Variants in MAN1A1 observed in about 807,000 individuals in gnomAD.
MAN1A1 encodes the protein mannosidase alpha class 1A member 1, also known as mannosyl-oligosaccharide 1,2-alpha-mannosidase IA.
MAN1A1 carries 29 observed loss-of-function variants against 70.8 expected under a neutral mutation model. The observed-to-expected ratio is 0.41, with a 90% CI of 0.31 to 0.56. The LOEUF (loss-of-function observed/expected upper bound fraction) is 0.56, where lower values mean the gene tolerates loss of function less well. Among genes scored for constraint, MAN1A1 ranks in the 20% least tolerant of loss-of-function variants. The probability of loss-of-function intolerance (pLI) is 0.29; values close to 1 mark genes in which losing one functional copy is unlikely to be tolerated. For missense variants in MAN1A1, 747 were observed against 841.3 expected, an observed-to-expected ratio of 0.89 and a Z score of 1.39; for synonymous variants, 349 against 330.1, an observed-to-expected ratio of 1.06 and a Z score of -0.62.
chr6:119,247,556 G>A (rs541718792), intron 6 of MAN1A1, among the ~76,000 whole-genome samples: 17 of 152,280 alleles, frequency 1.1e-4, no homozygotes, highest in East Asian at 9.6e-4. Flanking sequence ...AGACAAAATC[G>A]TTTATTAATG....
intron 6 of MAN1A1, among the ~76,000 whole-genome samples, chr6:119,212,080 T>G (rs1468358027): frequency 6.6e-6 from 1 of 151,910 alleles, no homozygotes; most frequent in Non-Finnish European, 1.5e-5. Flanking sequence ...AACCTCATGA[T>G]CTGCTCGCCT....
intron 4 of MAN1A1, among the ~76,000 whole-genome samples, chr6:119,297,762 T>C (rs9489676): frequency 0.36 from 45,310 of 124,194 alleles, 8,854 homozygotes; most frequent in Non-Finnish European, 0.41. Context: ...TTTTTTGAGA[T>C]GGAGTCTCGC....
At chr6:119,315,931 T>C (rs1772839281) in intron 2 of MAN1A1, among the ~76,000 whole-genome samples, 1 of 152,114 alleles carries the variant, frequency 6.6e-6, no homozygotes, top group Non-Finnish European at 1.5e-5. Flanking sequence ...AACCTCAGGG[T>C]TTTTGGTCTG....
At chr6:119,210,884 C>T (rs773198371) in intron 6 of MAN1A1, 1 of 455,862 alleles carries the variant, frequency 2.2e-6, no homozygotes, top group South Asian at 1.6e-5. Context: ...AATGATATCC[C>T]ACCTCATATG....
At chr6:119,250,570 T>C (rs1237618642) in intron 5 of MAN1A1, among the ~76,000 whole-genome samples, 1 of 152,180 alleles carries the variant, frequency 6.6e-6, no homozygotes, top group Non-Finnish European at 1.5e-5. Flanking sequence ...TAATGGTATT[T>C]CCTCAAGAAG....
intron 5 of MAN1A1, among the ~76,000 whole-genome samples, 188 bp downstream of exon 5, chr6:119,290,495 G>C (rs11153805): frequency 0.33 from 50,410 of 151,760 alleles, 8,854 homozygotes; most frequent in Non-Finnish European, 0.36. Flanking sequence ...AATATGTTCT[G>C]CCAAACTTTC....
intron 2 of MAN1A1, among the ~76,000 whole-genome samples, chr6:119,311,171 C>T (rs565756411): frequency 1.3e-4 from 20 of 152,056 alleles, no homozygotes; most frequent in Non-Finnish European, 2.8e-4. Flanking sequence ...ACATGTTGCC[C>T]GACACACATT....
intron 2 of MAN1A1, among the ~76,000 whole-genome samples, chr6:119,309,948 T>C (rs1772654498): frequency 6.6e-6 from 1 of 152,188 alleles, no homozygotes; most frequent in African/African-American, 2.4e-5. Flanking sequence ...TCTGCTACAC[T>C]ATGAAAAGAT....
At chr6:119,292,319 A>C (rs1189397007) in intron 4 of MAN1A1, among the ~76,000 whole-genome samples, 2 of 152,026 alleles carry the variant, frequency 1.3e-5, no homozygotes, top group African/African-American at 4.8e-5. Context: ...ACCATTCACT[A>C]ATAATCATGG....
At chr6:119,339,768 A>C (rs547674432) in intron 2 of MAN1A1, among the ~76,000 whole-genome samples, 64 of 152,364 alleles carry the variant, frequency 4.2e-4, no homozygotes, top group African/African-American at 1.5e-3. Context: ...GAGCAACTTT[A>C]TCCATCTATT....
intron 5 of MAN1A1, among the ~76,000 whole-genome samples, chr6:119,288,759 A>G (rs1776450330): frequency 6.6e-6 from 1 of 151,712 alleles, no homozygotes; most frequent in South Asian, 2.1e-4. Context: ...TCTGGAAACT[A>G]TAAGAAAAAA....
chr6:119,185,309 C>T (rs1773256738), intron 11 of MAN1A1, among the ~76,000 whole-genome samples: 1 of 152,172 alleles, frequency 6.6e-6, no homozygotes, highest in Non-Finnish European at 1.5e-5. Flanking sequence ...CAAAAGAACT[C>T]TCTAGTGTTG....
chr6:119,236,069 G>T (rs1265793352), intron 6 of MAN1A1, among the ~76,000 whole-genome samples: 1 of 150,856 alleles, frequency 6.6e-6, no homozygotes, highest in Non-Finnish European at 1.5e-5. Context: ...AACCAGGGAG[G>T]TGGAGCAGTA....
At chr6:119,309,009 T>TGAA (rs1562236296) in intron 2 of MAN1A1, among the ~76,000 whole-genome samples, 2 of 152,358 alleles carry the variant, frequency 1.3e-5, no homozygotes, top group East Asian at 3.9e-4. Flanking sequence ...ACTAATTGGT[T>TGAA]AGTTTCCTAC....
At chr6:119,180,604 T>C (rs142068887) in intron 11 of MAN1A1, among the ~76,000 whole-genome samples, 177 bp from the exon 12 acceptor site, 1 of 152,078 alleles carries the variant, frequency 6.6e-6, no homozygotes, top group African/African-American at 2.4e-5. Context: ...CTTCTACCTC[T>C]TGGGCTCAGG....
chr6:119,257,754 T>C (rs1453801537), intron 5 of MAN1A1, among the ~76,000 whole-genome samples: 1 of 152,138 alleles, frequency 6.6e-6, no homozygotes, highest in Non-Finnish European at 1.5e-5. Flanking sequence ...TGCTTCAAAC[T>C]ATTCTTAAGT....
intron 6 of MAN1A1, among the ~76,000 whole-genome samples, chr6:119,245,337 C>G (rs1160841289): frequency 6.6e-6 from 1 of 152,136 alleles, no homozygotes; most frequent in East Asian, 1.9e-4. Flanking sequence ...CTGGTGACAG[C>G]CTTCCAAAAC....
At chr6:119,302,281 C>T (rs571325922) in intron 3 of MAN1A1, among the ~76,000 whole-genome samples, 178 bp from the exon 4 acceptor site, 2 of 152,194 alleles carry the variant, frequency 1.3e-5, no homozygotes, top group East Asian at 1.9e-4. Context: ...AAAATTATCA[C>T]GGGCTATCGA....
intron 6 of MAN1A1, among the ~76,000 whole-genome samples, chr6:119,225,407 C>G (rs900780651): frequency 3.2e-4 from 42 of 130,508 alleles, no homozygotes; most frequent in African/African-American, 1.2e-3. Context: ...GAGAGAGAGA[C>G]AGAGAGAGAA....
Sources: gnomAD v4.1 joint callset for allele counts (sites outside exome capture counted in the v4.1 genomes callset) on GRCh38, gnomAD v4.1.1 for gene constraint, MANE v1.5 for transcripts, NCBI Gene and HGNC (gene_info 2026-07-23, HGNC 2026-07-21) for gene names.